UNC5C: variants seen among roughly 807,000 people sequenced by gnomAD.
The protein encoded by UNC5C is unc-5 netrin receptor C.
A neutral mutation model predicts 99.8 loss-of-function variants in UNC5C; 47 were observed. The observed-to-expected ratio is 0.47, with a 90% CI of 0.37 to 0.60. UNC5C has a LOEUF of 0.60. UNC5C is among the 20% of genes least tolerant of loss of function. The probability of loss-of-function intolerance (pLI) is 0.00; values close to 1 mark genes in which losing one functional copy is unlikely to be tolerated. For missense variants in UNC5C, 1,062 were observed against 1,165.9 expected (o/e 0.91, Z 1.30); for synonymous variants, 487 against 452.2 (o/e 1.08, Z -0.98).
rs577379100 is a variant in UNC5C, at chr4:95,218,170, T to C, written c.1645+799A>G. 7.2e-5 allele frequency among the ~76,000 whole-genome samples: 11 copies of C among 152,214 alleles called. 1 individual carries two copies. Among genetic ancestry groups the C allele is most frequent in the African/African-American group, 2.7e-4 (11 of 41,490 alleles). On this transcript the variant is annotated intron_variant, in intron 9 of 15. Coordinates refer to ENST00000453304, the MANE Select transcript of UNC5C (RefSeq NM_003728.4). ...TTTAGGTATTACTGTATTTACAAAATACTCACAGCCTTGCCCAAAAGAATT... is the reference window on the plus strand; with the variant it reads ...TTTAGGTATTACTGTATTTACAAAACACTCACAGCCTTGCCCAAAAGAATT...
At chr4:95,446,846 G>A (rs1050073634) in intron 1 of UNC5C, among the ~76,000 whole-genome samples, 6 of 152,088 alleles carry the variant, frequency 3.9e-5, no homozygotes, top group Admixed American at 2.0e-4. Context: ...CATTAAATAC[G>A]TCTGTTGATT....
rs1465646134 is a variant in UNC5C at position 95,461,322 on chromosome 4, AAG to A, written c.124+87410_124+87411del. Among the ~76,000 whole-genome samples the A allele has an allele frequency of 3.1e-5, 3 of 97,544 alleles. 1 individual carries two copies. The highest frequency in any genetic ancestry group is 5.1e-5 in the African/African-American group (1 of 19,728). 64.0% of individuals were successfully genotyped at this position (97,544 alleles called of 152,430 possible). On this transcript the variant is annotated intron_variant, in intron 1 of 15. Coordinates refer to ENST00000453304, the MANE Select transcript of UNC5C (RefSeq NM_003728.4). Reference sequence around the variant, plus strand: ...CCAACATGAAGCACAAGGCAAGAGCAAGTTGAATAGATGACAAAGGAGAGAAA... The same window carrying A: ...CCAACATGAAGCACAAGGCAAGAGCATTGAATAGATGACAAAGGAGAGAAA...
chr4:95,465,836 C>A (rs572974337), intron 1 of UNC5C, among the ~76,000 whole-genome samples: 1 of 152,128 alleles, frequency 6.6e-6, no homozygotes, highest in South Asian at 2.1e-4. Context: ...CCCCAGTGAC[C>A]TTTCTCCTTT....
intron 1 of UNC5C, among the ~76,000 whole-genome samples, chr4:95,431,796 A>G (rs532787335): frequency 2.1e-3 from 316 of 152,228 alleles, no homozygotes; most frequent in African/African-American, 7.2e-3. Context: ...CCCCAATTTA[A>G]TAGACAATGC....
intron 1 of UNC5C, among the ~76,000 whole-genome samples, chr4:95,367,463 G>T (rs577877577): frequency 1.3e-5 from 2 of 152,102 alleles, no homozygotes; most frequent in East Asian, 3.9e-4. Context: ...ACAGGCGTGA[G>T]CCACCGTACT....
chr4:95,511,993 G>A (rs994591991), intron 1 of UNC5C, among the ~76,000 whole-genome samples: 3 of 152,002 alleles, frequency 2.0e-5, no homozygotes, highest in Non-Finnish European at 2.9e-5. Flanking sequence ...TGTTAGATGC[G>A]AAGGAAGTAG....
At chr4:95,365,163 G>A (rs1461263378) in intron 1 of UNC5C, among the ~76,000 whole-genome samples, 3 of 150,514 alleles carry the variant, frequency 2.0e-5, no homozygotes, top group Admixed American at 2.0e-4. Context: ...GGGCATGGTG[G>A]CATGTCCATG....
chr4:95,178,815 G>A (rs529764185), intron 14 of UNC5C, among the ~76,000 whole-genome samples: 6 of 152,294 alleles, frequency 3.9e-5, no homozygotes, highest in African/African-American at 1.2e-4. Flanking sequence ...GAAGTCCTGA[G>A]CTCTCTATCC....
chr4:95,354,480 T>TATATATATATATA (rs760696053), intron 1 of UNC5C, among the ~76,000 whole-genome samples: 123 of 105,618 alleles, frequency 1.2e-3, no homozygotes, highest in African/African-American at 2.8e-3. Context: ...TATATATATA[T>TATATATATATATA]TTTTTTTTTT....
rs759713475 is a variant in UNC5C, at chr4:95,301,614, C to A, written c.482G>T (p.Arg161Leu). 1.5e-5 allele frequency: 25 copies of A among 1,613,910 alleles called. No individual in the cohort carries two copies. The highest frequency in any genetic ancestry group is 2.2e-5 in the East Asian group (1 of 44,878). The change falls in exon 3 of 16, where the codon CGC (arginine) becomes CTC (leucine). Residue 161 changes from arginine (R) to leucine (L), a missense_variant. Physicochemically the swap from Arg to Leu is moderately radical, Grantham distance 102 (BLOSUM62 -2). Around this residue, in one of 3 missense-constraint regions of UNC5C, gnomAD observed 249 missense variants for 295.1 expected, o/e 0.84. Transcript: ENST00000453304. ...ATTGTACAATGACTCACATGCAATG[C>A]GCACATACGCCTTCCGGCTCTTTGT... ...GTTKSRKAYV[R>L]IAYLRKTFEQ...
intron 12 of UNC5C, among the ~76,000 whole-genome samples, chr4:95,196,757 A>ATATT (rs1553952020): frequency 8.1e-4 from 7 of 8,602 alleles, no homozygotes; most frequent in Admixed American, 3.7e-3. Flanking sequence ...AATATATAAT[A>ATATT]TATATATTAT....
intron 15 of UNC5C, 75 bp downstream of exon 15, chr4:95,170,079 C>CT: frequency 1.3e-6 from 2 of 1,522,764 alleles, no homozygotes; most frequent in Non-Finnish European, 1.8e-6. Context: ...ATGAAGCTAA[C>CT]CCTACGTCTA....
At chr4:95,368,748 A>T (rs28725772) in intron 1 of UNC5C, among the ~76,000 whole-genome samples, 70,115 of 152,130 alleles carry the variant, frequency 0.46, 18,486 homozygotes, top group African/African-American at 0.72. Flanking sequence ...TTAAAAAAGT[A>T]AAAAGTAACA....
intron 2 of UNC5C, among the ~76,000 whole-genome samples, chr4:95,326,406 G>A (rs1445973636): frequency 6.6e-6 from 1 of 151,252 alleles, no homozygotes; most frequent in Non-Finnish European, 1.5e-5. Context: ...AACAAGAGTT[G>A]AAAAGGCTTC....
chr4:95,424,524 T>A (rs1056530968), intron 1 of UNC5C, among the ~76,000 whole-genome samples: 1 of 129,922 alleles, frequency 7.7e-6, no homozygotes, highest in Non-Finnish European at 1.6e-5. Context: ...TTTTCTTTTT[T>A]TTTTTTTTTT....
intron 1 of UNC5C, among the ~76,000 whole-genome samples, chr4:95,480,041 C>T (rs1045773483): frequency 4.6e-5 from 7 of 151,476 alleles, no homozygotes; most frequent in South Asian, 2.1e-4. Context: ...GGAAATTACA[C>T]CTCGGGCCTG....
chr4:95,355,377 C>A lies in UNC5C; in HGVS notation c.125-19746G>T, dbSNP rs141399788. 4.8e-4 allele frequency among the ~76,000 whole-genome samples: 73 copies of A among 152,260 alleles called. No homozygotes were observed. The East Asian group carries it at 0.011, about 23-fold the overall frequency. ...AGCTTCTCTCATTTTCCTAAATACA[C>A]TTGAGCTCTAGTACTCTTTAATCCC... On this transcript the variant is annotated intron_variant, in intron 1 of 15. Transcript: ENST00000453304.
At chr4:95,537,631 A>C (rs1297511095) in intron 1 of UNC5C, among the ~76,000 whole-genome samples, 1 of 152,210 alleles carries the variant, frequency 6.6e-6, no homozygotes, top group Non-Finnish European at 1.5e-5. Context: ...AATATTCAAA[A>C]GATGAAAAAA....
intron 1 of UNC5C, among the ~76,000 whole-genome samples, chr4:95,435,067 T>C (rs1473678454): frequency 6.6e-6 from 1 of 152,076 alleles, no homozygotes; most frequent in Non-Finnish European, 1.5e-5. Flanking sequence ...TACAGTGCCA[T>C]GGTTGCTTGT....
Sources: allele counts gnomAD v4.1 joint callset (sites outside exome capture counted in the v4.1 genomes callset), GRCh38; gene constraint gnomAD v4.1.1; regional missense constraint gnomAD v4.1.1; transcripts MANE v1.5; gene names NCBI Gene and HGNC (gene_info 2026-07-23, HGNC 2026-07-21).